The following OSBP2 variants were observed in gnomAD, a reference collection of about 807,000 sequenced individuals.
OSBP2 encodes the protein oxysterol binding protein 2, also known as oxysterol-binding protein 2.
In OSBP2, 66 loss-of-function variants were observed where a neutral mutation model predicts 96.0. That is an observed-to-expected ratio of 0.69 (90% confidence interval 0.56 to 0.84). The LOEUF is 0.84. OSBP2 is among the 40% of genes least tolerant of loss of function. The pLI, the probability that OSBP2 is intolerant of heterozygous loss-of-function variation, is 0.00. For synonymous variants in OSBP2, 525 were observed against 520.9 expected (o/e 1.01, Z -0.11); for missense variants, 1,038 against 1,222.7 (o/e 0.85, Z 2.25).
intron 2 of OSBP2, among the ~76,000 whole-genome samples, chr22:30,746,329 TG>T (rs1206728810): frequency 6.6e-6 from 1 of 151,860 alleles, no homozygotes; most frequent in Non-Finnish European, 1.5e-5. Flanking sequence ...GAGCCTGAGG[TG>T]GGAGGATTGC....
chr22:30,712,447 G>A (rs927764988), intron 1 of OSBP2, among the ~76,000 whole-genome samples: 1 of 152,150 alleles, frequency 6.6e-6, no homozygotes, highest in African/African-American at 2.4e-5. Context: ...GTAAGGATGT[G>A]GATGGCCATT....
intron 12 of OSBP2, 178 bp downstream of exon 12, chr22:30,894,179 G>A (rs2040015805): frequency 8.2e-6 from 5 of 608,800 alleles, no homozygotes; most frequent in East Asian, 2.8e-5. Context: ...AAATAAATGT[G>A]AAACTATCAA....
At chr22:30,721,989 G>A (rs1466557390) in intron 1 of OSBP2, among the ~76,000 whole-genome samples, 2 of 152,148 alleles carry the variant, frequency 1.3e-5, no homozygotes, top group African/African-American at 2.4e-5. Context: ...TGCAGCTACC[G>A]AGATTGTGTG....
chr22:30,858,568 C>T (rs117793890), intron 2 of OSBP2, among the ~76,000 whole-genome samples: 5 of 152,040 alleles, frequency 3.3e-5, no homozygotes, highest in Non-Finnish European at 7.4e-5. Flanking sequence ...TACCTACACA[C>T]TACCTTACAG....
Position 30,741,358 on chromosome 22 carries a change from A to T in OSBP2, c.842A>T (p.Asn281Ile), listed in dbSNP as rs1403473706. Residue 281 changes from asparagine (N) to isoleucine (I), a missense_variant, in exon 2 of 14, where the codon AAC (asparagine) becomes ATC (isoleucine). Coordinates refer to ENST00000332585, the MANE Select transcript of OSBP2 (RefSeq NM_030758.4). ...LAKAKAVRVM[N>I]THSDDSGDDD... ...AAGGCCAAGGCTGTCCGCGTGATGAACACTCATTCAGGTAGTGAGCACTTG... is the reference window on the plus strand; with the variant it reads ...AAGGCCAAGGCTGTCCGCGTGATGATCACTCATTCAGGTAGTGAGCACTTG... The T allele has an allele frequency of 6.2e-7, 1 of 1,608,854 alleles. No individual in the cohort carries two copies. Among genetic ancestry groups the T allele is most frequent in the South Asian group, 1.1e-5 (1 of 90,946 alleles).
intron 2 of OSBP2, among the ~76,000 whole-genome samples, chr22:30,743,948 C>T (rs1268953505): frequency 6.6e-6 from 1 of 152,132 alleles, no homozygotes; most frequent in Admixed American, 6.6e-5. Context: ...ACCTTAGGCT[C>T]AGCTTCCTTC....
chr22:30,714,049 C>T (rs539280485), intron 1 of OSBP2, among the ~76,000 whole-genome samples: 1 of 152,276 alleles, frequency 6.6e-6, no homozygotes, highest in East Asian at 1.9e-4. Context: ...ACCAACCTCT[C>T]CTTCTCCCCC....
At position 30,888,346 on chromosome 22, in the gene OSBP2, G is replaced by A. The variant is rs778972799; in HGVS notation, c.1418+6G>A. 2 of 1,581,414 alleles carry A rather than the reference G, an allele frequency of 1.3e-6. No homozygotes were observed. Among genetic ancestry groups the A allele is most frequent in the Non-Finnish European group, 1.7e-6 (2 of 1,150,364 alleles). On this transcript the variant is annotated splice_donor_region_variant and intron_variant, in intron 5 of 13. Coordinates refer to ENST00000332585, the MANE Select transcript of OSBP2 (RefSeq NM_030758.4). ...ACCGAGGCCAAGGAAGACAGGTAAG[G>A]TGGCTGCAGCTGGGCAGAGCCTCCC...
At chr22:30,810,204 G>C (rs572723376) in intron 2 of OSBP2, among the ~76,000 whole-genome samples, 15 of 152,264 alleles carry the variant, frequency 9.9e-5, no homozygotes, top group Non-Finnish European at 1.9e-4. Flanking sequence ...CTCAAGCGAG[G>C]ACAGAGGAGG....
At chr22:30,694,816 C>T (rs535059243), upstream of OSBP2, 5 of 566,554 alleles carry the variant, frequency 8.8e-6, no homozygotes, top group East Asian at 1.4e-4. Flanking sequence ...GCCCCCGCCT[C>T]GCGCCGCGCG....
At position 30,785,913 on chromosome 22, in the gene OSBP2, C is replaced by T. The variant is rs147335738; in HGVS notation, c.853+44544C>T. ...ACCATGATTATAAGTTTCCTGAGGC[C>T]TCCTCAGCCATGCAGAACTGTGAGT... On this transcript the variant is annotated intron_variant, in intron 2 of 13. Transcript: ENST00000332585. 6.5e-3 allele frequency among the ~76,000 whole-genome samples: 985 copies of T among 152,242 alleles called. 10 individuals carry two copies. Among genetic ancestry groups the T allele is most frequent in the African/African-American group, 0.022 (931 of 41,532 alleles).
chr22:30,808,751 G>C (rs978388364), intron 2 of OSBP2, among the ~76,000 whole-genome samples: 3 of 151,912 alleles, frequency 2.0e-5, no homozygotes, highest in Non-Finnish European at 4.4e-5. Context: ...TCAGGAGATC[G>C]AGACCATCCT....
In OSBP2 at chr22:30,802,094, G is replaced by A. The variant is rs528905465; in HGVS notation, c.853+60725G>A. ...CGTGAGGGAGGCCATGAAGTAGGCA[G>A]AGCCTGGAACCAGAAGGAGCCCCAC... On this transcript the variant is annotated intron_variant, in intron 2 of 13. Transcript: ENST00000332585. 7.2e-5 allele frequency among the ~76,000 whole-genome samples: 11 copies of A among 152,344 alleles called. No individual in the cohort carries two copies. The East Asian group carries it at 2.1e-3, about 29-fold the overall frequency.
intron 1 of OSBP2, among the ~76,000 whole-genome samples, chr22:30,735,723 T>C (rs2089844024): frequency 6.6e-6 from 1 of 151,980 alleles, no homozygotes; most frequent in African/African-American, 2.4e-5. Flanking sequence ...CTTCTTCTTC[T>C]TTTTTTCTTT....
intron 1 of OSBP2, among the ~76,000 whole-genome samples, chr22:30,732,974 C>T (rs780464043): frequency 6.6e-6 from 1 of 152,204 alleles, no homozygotes; most frequent in African/African-American, 2.4e-5. Flanking sequence ...CAGGCCAGCA[C>T]ACGAGGCATT....
intron 2 of OSBP2, among the ~76,000 whole-genome samples, chr22:30,852,090 G>T (rs1025442585): frequency 6.6e-6 from 1 of 152,058 alleles, no homozygotes; most frequent in Non-Finnish European, 1.5e-5. Flanking sequence ...AAGGAAATTT[G>T]CATCCATAGT....
chr22:30,822,036 G>C (rs2038283229), intron 2 of OSBP2, among the ~76,000 whole-genome samples: 1 of 152,242 alleles, frequency 6.6e-6, no homozygotes, highest in Non-Finnish European at 1.5e-5. Flanking sequence ...CCGGGGCCCT[G>C]CCTGTTGCCT....
chr22:30,851,346 G>A (rs984899513), intron 2 of OSBP2, among the ~76,000 whole-genome samples: 21 of 152,084 alleles, frequency 1.4e-4, no homozygotes, highest in Non-Finnish European at 2.9e-4. Flanking sequence ...ATAAGCCACC[G>A]TCCATGGCCT....
intron 1 of OSBP2, among the ~76,000 whole-genome samples, chr22:30,717,093 TGTGTGTG>T: frequency 9.3e-6 from 1 of 107,834 alleles, no homozygotes; most frequent in Admixed American, 9.3e-5. Flanking sequence ...ACTGTTTTTG[TGTGTGTG>T]TGTGTGTGTG....
Sources: gnomAD v4.1 joint callset for allele counts (sites outside exome capture counted in the v4.1 genomes callset) on GRCh38, gnomAD v4.1.1 for gene constraint, MANE v1.5 for transcripts, NCBI Gene and HGNC (gene_info 2026-07-23, HGNC 2026-07-21) for gene names.